Variants in CHTF18 observed in about 807,000 individuals in gnomAD.
CHTF18 encodes the protein chromosome transmission fidelity factor 18.
CHTF18 carries 151 observed loss-of-function variants against 113.4 expected under a neutral mutation model. The observed-to-expected ratio is 1.33, with a 90% CI of 1.17 to 1.52. The LOEUF is 1.52. Ranked by LOEUF, CHTF18 falls within the 40% of genes most tolerant of loss-of-function variation. The pLI is 0.00. For missense variants in CHTF18, 1,982 were observed against 1,381.6 expected, an observed-to-expected ratio of 1.43 and a Z score of -6.89; for synonymous variants, 916 against 598.8, an observed-to-expected ratio of 1.53 and a Z score of -7.74.
Position 794,134 on chromosome 16 carries a change from C to T in CHTF18, c.1883C>T (p.Ala628Val), listed in dbSNP as rs2042275306. Residue 628 changes from alanine (A) to valine (V), a missense_variant, in exon 15 of 22, where the codon GCC becomes GTC. Physicochemically the swap from Ala to Val is moderately conservative, Grantham distance 64. Transcript: ENST00000262315. ...GDGDAGSLTS[A>V]SQRFYRVLHA... ...GGGGACGCGGGCTCCCTCACCTCCG[C>T]CTCACAGCGATTCTACCGTGTCCTG... 2 of 1,612,356 alleles carry T rather than the reference C, an allele frequency of 1.2e-6. No individual in the cohort carries two copies. The highest frequency in any genetic ancestry group is 1.7e-6 in the Non-Finnish European group (2 of 1,179,764).
chr16:792,667 C>T (rs2042231916), intron 11 of CHTF18, 51 bp from the exon 12 acceptor site: 7 of 1,589,376 alleles, frequency 4.4e-6, no homozygotes, highest in Non-Finnish European at 6.0e-6. Context: ...TCCCTGTGTC[C>T]TGGGCTGTGG....
rs2042118510 is a variant in CHTF18 at position 789,690 on chromosome 16, C to A, written c.581C>A (p.Ala194Asp). The change falls in exon 4 of 22, where the codon GCT becomes GAT. Residue 194 changes from alanine (A) to aspartate (D), a missense_variant. By Grantham distance (126) the Ala-to-Asp change is moderately radical (BLOSUM62 -2). Transcript: ENST00000262315. Reference protein sequence around the residue: ...EGVRAYLVLRADPMAPGVQGS... With the variant: ...EGVRAYLVLRDDPMAPGVQGS... ...GTCCGGGCTTATCTGGTGCTGCGTGCTGACCCCATGGCCCCGGGGGTGCAG... is the reference window on the plus strand; with the variant it reads ...GTCCGGGCTTATCTGGTGCTGCGTGATGACCCCATGGCCCCGGGGGTGCAG... 6.3e-7 allele frequency: 1 copy of A among 1,597,530 alleles called. No individual in the cohort carries two copies. Among genetic ancestry groups the A allele is most frequent in the Non-Finnish European group, 8.5e-7 (1 of 1,177,818 alleles).
Position 795,368 on chromosome 16 carries a change from C to T in CHTF18, c.2175+12C>T, listed in dbSNP as rs1370251774. The T allele has an allele frequency of 1.3e-6, 2 of 1,543,806 alleles. No homozygotes were observed. Among genetic ancestry groups the T allele is most frequent in the South Asian group, 1.2e-5 (1 of 83,756 alleles). On this transcript the variant is annotated intron_variant, in intron 16 of 21. Transcript: ENST00000262315. ...GCAGCCAGCAGGAGGTGTGCTCGTC[C>T]CTGCACCACGCCTGCCCCCGGCCCC...
Position 796,024 on chromosome 16 carries a change from G to A in CHTF18, c.2403G>A (p.Leu801=), listed in dbSNP as rs772519820. 6.2e-7 allele frequency: 1 copy of A among 1,606,508 alleles called. No homozygotes were observed. The highest frequency in any genetic ancestry group is 1.1e-5 in the South Asian group (1 of 89,698). ...SLVGTMLAYS[L]TYRQERTPDG... is the part of the protein sequence containing the mutation. ...TGGGCACGATGCTCGCTTACAGCCT[G>A]ACCTACCGCCAGGAGCGCACGCCCG... The change falls in exon 18 of 22, where the codon CTG becomes CTA. Residue 801 remains leucine, a synonymous_variant. Transcript: ENST00000262315.
intron 20 of CHTF18, 48 bp from the exon 21 acceptor site, chr16:797,646 G>A (rs758917440): frequency 1.6e-5 from 26 of 1,597,848 alleles, no homozygotes; most frequent in Non-Finnish European, 2.2e-5. Context: ...GGTAGGGGCT[G>A]GATGGGGCAT....
chr16:789,088 G>A lies in CHTF18; in HGVS notation c.249G>A (p.Val83=). 2 of 1,533,912 alleles carry A rather than the reference G, an allele frequency of 1.3e-6. No individual in the cohort carries two copies. Among genetic ancestry groups the A allele is most frequent in the East Asian group, 2.5e-5 (1 of 40,562 alleles). Residue 83 remains valine, a synonymous_variant, in exon 2 of 22, where the codon GTG becomes GTA. Transcript: ENST00000262315. ...SSQGGARKRQ[V]DADLQPAGSL... ...AGGGCGGCGCCAGGAAGAGGCAGGT[G>A]GACGCCGACCTGCAGCCGGCCGGGT... is the stretch of plus-strand genomic sequence containing the variant.
chr16:793,568 C>T, intron 14 of CHTF18: 1 of 564,630 alleles, frequency 1.8e-6, no homozygotes, highest in South Asian at 2.0e-5. Context: ...CAGCTGCTGT[C>T]CCAGTTGCAC....
intron 20 of CHTF18, 78 bp from the exon 21 acceptor site, chr16:797,616 C>T (rs1025138388): frequency 7.3e-6 from 11 of 1,510,686 alleles, no homozygotes; most frequent in Non-Finnish European, 9.1e-6. Flanking sequence ...CCTGGGAAGG[C>T]TCTCGGTCCT....
intron 8 of CHTF18, chr16:791,607 T>C: frequency 7.0e-7 from 1 of 1,429,852 alleles, no homozygotes; most frequent in Non-Finnish European, 9.1e-7. Flanking sequence ...CGGTGGGTGG[T>C]TTCTGGGGGC....
At chr16:795,385 C>A in intron 16 of CHTF18, 29 bp downstream of exon 16, 1 of 1,524,368 alleles carries the variant, frequency 6.6e-7, no homozygotes, top group South Asian at 1.2e-5. Context: ...CACGCCTGCC[C>A]CCGGCCCCGT....
At chr16:794,010 T>C (rs1936578339) in intron 14 of CHTF18, 44 bp from the exon 15 acceptor site, 1 of 1,586,616 alleles carries the variant, frequency 6.3e-7, no homozygotes, top group Admixed American at 1.7e-5. Flanking sequence ...GGGCTGCCTG[T>C]GCTTTTAACA....
chr16:792,507 G>T lies in CHTF18; in HGVS notation c.1395G>T (p.Pro465=), dbSNP rs566380448. 1 of 1,593,996 alleles carries T rather than the reference G, an allele frequency of 6.3e-7. No individual in the cohort carries two copies. Among genetic ancestry groups the T allele is most frequent in the Non-Finnish European group, 8.5e-7 (1 of 1,172,942 alleles). ...CACAGGAGGTGGGGCCACAGGGCCC[G>T]GCTGTGCCTTCGGGAGGCGGCCGAC... ...KGPQEVGPQG[P]AVPSGGGRRR... The change falls in exon 11 of 22, where the codon CCG becomes CCT. Residue 465 remains proline, a synonymous_variant. Transcript: ENST00000262315.
chr16:797,149 C>T (rs1026755602), intron 20 of CHTF18, 57 bp downstream of exon 20: 9 of 1,454,566 alleles, frequency 6.2e-6, no homozygotes, highest in Non-Finnish European at 7.2e-6. Context: ...GGGGGTGTGG[C>T]TAGGGCAGTC....
intron 1 of CHTF18, 77 bp from the exon 2 acceptor site, chr16:788,854 G>GC: frequency 6.6e-7 from 1 of 1,513,650 alleles, no homozygotes. Context: ...CGTGCCGGGG[G>GC]CCGAAGGGGC....
chr16:791,680 T>G, intron 8 of CHTF18, 171 bp from the exon 9 acceptor site: 1 of 1,427,886 alleles, frequency 7.0e-7, no homozygotes, highest in Non-Finnish European at 9.1e-7. Flanking sequence ...GGTTTTTTTT[T>G]CCGTTGCCAT....
Position 795,940 on chromosome 16 carries a change from C to G in CHTF18, c.2326-7C>G. ...CAGCTCCCTGTCTGCTGCCTCCCAT[C>G]CCCTAGGTGAGCACACAGCTGTACA... On this transcript the variant is annotated splice_polypyrimidine_tract_variant and splice_region_variant and intron_variant, in intron 17 of 21. Coordinates refer to ENST00000262315, the MANE Select transcript of CHTF18 (RefSeq NM_022092.3). 1 of 1,609,846 alleles carries G rather than the reference C, an allele frequency of 6.2e-7. No individual in the cohort carries two copies. Among genetic ancestry groups the G allele is most frequent in the East Asian group, 2.2e-5 (1 of 44,694 alleles).
At position 789,109 on chromosome 16, in the gene CHTF18, C is replaced by G; in HGVS notation, c.270C>G (p.Ala90=). ...KRQVDADLQP[A]GSLPHAPRIK... ...AGGTGGACGCCGACCTGCAGCCGGC[C>G]GGGTCCCTGCCCCACGGTAGGTTGG... The change falls in exon 2 of 22, where the codon GCC becomes GCG. Residue 90 remains alanine, a synonymous_variant. Transcript: ENST00000262315. 2 of 1,534,280 alleles carry G rather than the reference C, an allele frequency of 1.3e-6. No individual in the cohort carries two copies. Among genetic ancestry groups the G allele is most frequent in the East Asian group, 2.5e-5 (1 of 40,560 alleles).
intron 7 of CHTF18, 73 bp from the exon 8 acceptor site, chr16:791,088 T>C: frequency 2.6e-6 from 4 of 1,535,232 alleles, no homozygotes; most frequent in Non-Finnish European, 3.5e-6. Flanking sequence ...ATGGGGCTCA[T>C]GGTGGCAGGT....
chr16:790,033 T>G, intron 4 of CHTF18, 144 bp from the exon 5 acceptor site: 1 of 1,535,858 alleles, frequency 6.5e-7, no homozygotes, highest in East Asian at 2.4e-5. Context: ...GCTTCATTCC[T>G]TTGGCACCCC....
Sources: allele counts gnomAD v4.1 joint callset, GRCh38; gene constraint gnomAD v4.1.1; transcripts MANE v1.5; gene names NCBI Gene and HGNC (gene_info 2026-07-23, HGNC 2026-07-21).